The following ZNF266 variants were observed in gnomAD, a reference collection of about 807,000 sequenced individuals.
ZNF266 encodes zinc finger protein 266, also known as zinc finger protein 1.
A neutral mutation model predicts 16.4 loss-of-function variants in ZNF266; 16 were observed. The ratio of observed to expected loss-of-function variants is 0.98; its 90% CI spans 0.66 to 1.48. The LOEUF is 1.48. ZNF266 is among the 40% of genes most tolerant of loss of function. The pLI is 0.00. For missense variants in ZNF266, 738 were observed against 689.1 expected (o/e 1.07, Z -0.79); for synonymous variants, 262 against 237.9 (o/e 1.10, Z -0.93).
intron 6 of ZNF266, 127 bp from the exon 7 acceptor site, chr19:9,419,426 CAT>C (rs1209278596): frequency 1.3e-5 from 2 of 152,558 alleles, no homozygotes; most frequent in Non-Finnish European, 2.9e-5. Context: ...AAAACACACA[CAT>C]ACACACCACC....
Position 9,414,584 on chromosome 19 carries a change from T to G in ZNF266, c.542A>C (p.Asp181Ala). 1 of 1,613,890 alleles carries G rather than the reference T, an allele frequency of 6.2e-7. No individual in the cohort carries two copies. Among genetic ancestry groups the G allele is most frequent in the Non-Finnish European group, 8.5e-7 (1 of 1,179,750 alleles). ...NTFECYLYGV[D>A]FLTLHKKTST... ...GGTTTTCTTGTGCAGAGTAAGGAAG[T>G]CTACTCCATACAGATAACACTCAAA... The change falls in exon 11 of 11, where the codon GAC becomes GCC. Residue 181 changes from aspartate to alanine, a missense_variant. Physicochemically the swap from Asp to Ala is moderately radical, Grantham distance 126. Transcript: ENST00000592904.
intron 9 of ZNF266, 83 bp from the exon 10 acceptor site, chr19:9,415,825 T>C (rs1017111157): frequency 4.4e-5 from 54 of 1,235,032 alleles, no homozygotes; most frequent in Non-Finnish European, 5.9e-5. Flanking sequence ...CATTTGTACT[T>C]GTTTTCTTTT....
At chr19:9,416,797 T>C (rs932889548) in intron 9 of ZNF266, among the ~76,000 whole-genome samples, 23 of 140,078 alleles carry the variant, frequency 1.6e-4, no homozygotes, top group Non-Finnish European at 2.8e-4. Context: ...TCAGCCTCCC[T>C]AGTAGCTGGG....
intron 9 of ZNF266, among the ~76,000 whole-genome samples, chr19:9,416,663 CT>C (rs368700653): frequency 9.8e-4 from 56 of 56,974 alleles, no homozygotes; most frequent in African/African-American, 2.6e-3. Flanking sequence ...CGTGCCAGGC[CT>C]TTTTTTTTTT....
chr19:9,417,964 C>T lies in ZNF266; in HGVS notation c.236-56G>A, dbSNP rs563060992. Reference sequence around the variant, plus strand: ...GAGGCTCATGCAAGAGATGATAAATCTTTCCACAACTCAGGAGATATAGTT... The same window carrying T: ...GAGGCTCATGCAAGAGATGATAAATTTTTCCACAACTCAGGAGATATAGTT... On this transcript the variant is annotated intron_variant, in intron 8 of 10. Transcript: ENST00000592904. 2.0e-6 allele frequency: 3 copies of T among 1,516,240 alleles called. No individual in the cohort carries two copies. The African/African-American group carries it at 4.1e-5, about 21-fold the overall frequency. 93.9% of individuals were successfully genotyped at this position (1,516,240 alleles called of 1,614,324 possible).
chr19:9,418,435 A>G (rs2069386605), intron 8 of ZNF266, 70 bp downstream of exon 8: 2 of 1,518,716 alleles, frequency 1.3e-6, no homozygotes, highest in Admixed American at 3.4e-5. Flanking sequence ...GCTATCTCTG[A>G]TGTGCAATAC....
In ZNF266 at chr19:9,414,435, A is replaced by T. The variant is rs764241997; in HGVS notation, c.691T>A (p.Ser231Thr). The change falls in exon 11 of 11, where the codon TCC becomes ACC. Residue 231 changes from serine (S) to threonine (T), a missense_variant. Physicochemically the swap from Ser to Thr is moderately conservative, Grantham distance 58 (BLOSUM62 1). Transcript: ENST00000592904. ...KAFDCSDSGK[S>T]FINHSHLQGH... ...TGAAGGTGTGAATGATTAATGAAGG[A>T]TTTCCCAGAGTCACTGCAATCAAAA... 3 of 1,614,158 alleles carry T rather than the reference A, an allele frequency of 1.9e-6. No homozygotes were observed. Among genetic ancestry groups the T allele is most frequent in the Non-Finnish European group, 8.5e-7 (1 of 1,180,032 alleles).
Position 9,414,613 on chromosome 19 carries a change from G to T in ZNF266, c.513C>A (p.Asn171Lys), listed in dbSNP as rs1439151729. ...CTCCATACAGATAACACTCAAATGT[G>T]TTCTCACTATTTTGAGTTCTCACAT... ...KTHVRTQNSENTFECYLYGVD... is the reference protein window; with the variant it reads ...KTHVRTQNSEKTFECYLYGVD... Residue 171 changes from asparagine (N) to lysine (K), a missense_variant, in exon 11 of 11, where the codon AAC becomes AAA. Coordinates refer to ENST00000592904, the MANE Select transcript of ZNF266 (RefSeq NM_001370374.1). 3 of 1,611,670 alleles carry T rather than the reference G, an allele frequency of 1.9e-6. No individual in the cohort carries two copies. The highest frequency in any genetic ancestry group is 2.5e-6 in the Non-Finnish European group (3 of 1,177,898).
rs1407143341 is a variant in ZNF266 at position 9,414,514 on chromosome 19, G to A, written c.612C>T (p.Ala204=). 6.2e-7 allele frequency: 1 copy of A among 1,614,188 alleles called. No homozygotes were observed. The highest frequency in any genetic ancestry group is 8.5e-7 in the Non-Finnish European group (1 of 1,180,014). Residue 204 remains alanine, a synonymous_variant, in exon 11 of 11, where the codon GCC becomes GCT. Coordinates refer to ENST00000592904, the MANE Select transcript of ZNF266 (RefSeq NM_001370374.1). ...AAACAACATCTGGGTTCAGGCTGAA[G>A]GCTTTTCCACACTGACTAAATACAG... ...QRSVFSQCGK[A]FSLNPDVVCQ... is the part of the protein sequence containing the mutation.
chr19:9,415,995 T>C (rs1487115563), intron 9 of ZNF266, among the ~76,000 whole-genome samples: 1 of 152,064 alleles, frequency 6.6e-6, no homozygotes, highest in Non-Finnish European at 1.5e-5. Flanking sequence ...AGCTAATTTT[T>C]GTATTTTTAG....
chr19:9,428,232 T>C (rs1222044932), intron 5 of ZNF266, among the ~76,000 whole-genome samples: 1 of 152,194 alleles, frequency 6.6e-6, no homozygotes, highest in South Asian at 2.1e-4. Context: ...CTGCCCACTG[T>C]GCTCTAGGTC....
rs780877703 is a variant in ZNF266 at position 9,413,536 on chromosome 19, T to C, written c.1590A>G (p.Pro530=). ...NHMRTHSAKK[P]FTCMECGKAF... The stretch of plus-strand genomic sequence containing the variant: ...CTTTGCCACATTCCATACACGTGAA[T>C]GGTTTTTTGGCGCTGTGGGTCCGCA... The change falls in exon 11 of 11, where the codon CCA becomes CCG. Residue 530 remains proline (P), a synonymous_variant. Coordinates refer to ENST00000592904, the MANE Select transcript of ZNF266 (RefSeq NM_001370374.1). 1 of 1,613,312 alleles carries C rather than the reference T, an allele frequency of 6.2e-7. No individual in the cohort carries two copies. The highest frequency in any genetic ancestry group is 1.1e-5 in the South Asian group (1 of 91,016).
Position 9,412,964 on chromosome 19 carries a change from G to A in ZNF266, c.*311C>T, listed in dbSNP as rs766277578. ...CCAGACCATACCATTTAAATTGCAGGGTTTCTCTCCAATGTGAGTTCACAT... is the reference window on the plus strand; with the variant it reads ...CCAGACCATACCATTTAAATTGCAGAGTTTCTCTCCAATGTGAGTTCACAT... On this transcript the variant is annotated 3_prime_UTR_variant, in exon 11 of 11. Transcript: ENST00000592904. 1 of 343,022 alleles carries A rather than the reference G, an allele frequency of 2.9e-6. No individual in the cohort carries two copies. Among genetic ancestry groups the A allele is most frequent in the Non-Finnish European group, 5.3e-6 (1 of 189,902 alleles). 21.2% of individuals were successfully genotyped at this position (343,022 alleles called of 1,614,324 possible).
chr19:9,429,410 A>G (rs1443296682), intron 5 of ZNF266, among the ~76,000 whole-genome samples: 4 of 152,048 alleles, frequency 2.6e-5, no homozygotes, highest in Non-Finnish European at 5.9e-5. Flanking sequence ...GTACAGCTAC[A>G]TATCATTCTG....
At chr19:9,424,807 G>T (rs1038866935) in intron 5 of ZNF266, among the ~76,000 whole-genome samples, 5 of 152,158 alleles carry the variant, frequency 3.3e-5, no homozygotes, top group Non-Finnish European at 7.3e-5. Context: ...GGAATACAAA[G>T]GACTGTTTGA....
At chr19:9,419,822 A>C (rs2069574300) in intron 6 of ZNF266, 1 of 150,316 alleles carries the variant, frequency 6.7e-6, no homozygotes, top group Non-Finnish European at 1.5e-5. Flanking sequence ...AATCGCTTGA[A>C]CCTGGGGGGC....
chr19:9,431,212 G>T (rs563021423), intron 5 of ZNF266, among the ~76,000 whole-genome samples: 1 of 152,114 alleles, frequency 6.6e-6, no homozygotes, highest in Non-Finnish European at 1.5e-5. Context: ...CAGTGTGGGT[G>T]TGAGGGCATT....
chr19:9,416,320 G>C (rs575915006), intron 9 of ZNF266, among the ~76,000 whole-genome samples: 3 of 149,082 alleles, frequency 2.0e-5, no homozygotes, highest in African/African-American at 7.4e-5. Flanking sequence ...TTGAGGAATA[G>C]AACAAAAAGC....
rs2069490200 is a variant in ZNF266, at chr19:9,419,258, C to G, written c.67G>C (p.Val23Leu). ...AGACAGTCAGCCACCACCCTTTCTA[C>G]TTCTGTCTTTTCTTGAAGGCAGACT... ...DPVCLQEKTE[V>L]ERVVADCLTN... The change falls in exon 7 of 11, where the codon GTA becomes CTA. Residue 23 changes from valine (V) to leucine (L), a missense_variant. Physicochemically the swap from Val to Leu is conservative, Grantham distance 32. Transcript: ENST00000592904. 1 of 154,096 alleles carries G rather than the reference C, an allele frequency of 6.5e-6. No homozygotes were observed. The highest frequency in any genetic ancestry group is 2.4e-5 in the African/African-American group (1 of 41,468). 9.5% of individuals were successfully genotyped at this position (154,096 alleles called of 1,614,324 possible).
Sources: allele counts gnomAD v4.1 joint callset (sites outside exome capture counted in the v4.1 genomes callset), GRCh38; gene constraint gnomAD v4.1.1; transcripts MANE v1.5; gene names NCBI Gene and HGNC (gene_info 2026-07-23, HGNC 2026-07-21).